The following CUL9 variants were observed in gnomAD, a reference collection of about 807,000 sequenced individuals.
The protein encoded by CUL9 is cullin-9.
Under a neutral mutation model 272.6 loss-of-function variants are expected in CUL9, and 79 were observed. That is an observed-to-expected ratio of 0.29 (90% CI 0.24 to 0.35). The LOEUF is 0.35. Among genes scored for constraint, CUL9 ranks in the 10% least tolerant of loss-of-function variants. CUL9 has a pLI of 1.00. For synonymous variants in CUL9, 1,186 were observed against 1,286.5 expected (o/e 0.92, Z 1.67); for missense variants, 2,532 against 3,255.6 (o/e 0.78, Z 5.41).
Position 43,220,320 on chromosome 6 carries a change from C to A in CUL9, c.6283-139C>A. ...GAGAGAGGAGTCAGCATTGGTTGAT[C>A]TAGAGGCAGGCTTGTTTCTGGCCTT... On this transcript the variant is annotated intron_variant, in intron 31 of 40. Transcript: ENST00000252050. The surrounding 1 kb of genome is among the most constrained non-coding windows in gnomAD (Gnocchi z 4.9). 2.1e-6 allele frequency: 2 copies of A among 968,616 alleles called. No homozygotes were observed. Among genetic ancestry groups the A allele is most frequent in the Non-Finnish European group, 3.1e-6 (2 of 638,790 alleles). The allele number at this position is 968,616 out of a possible 1,614,324, so 60.0% of individuals were successfully genotyped here.
intron 9 of CUL9, among the ~76,000 whole-genome samples, chr6:43,194,960 C>T (rs1436920596): frequency 1.3e-5 from 2 of 152,040 alleles, no homozygotes; most frequent in Non-Finnish European, 2.9e-5. Flanking sequence ...GAGGCTGAGG[C>T]GGGAGAATCG....
At position 43,206,561 on chromosome 6, in the gene CUL9, C is replaced by T; in HGVS notation, c.5212+51C>T. 6.4e-7 allele frequency: 1 copy of T among 1,568,246 alleles called. No homozygotes were observed. Among genetic ancestry groups the T allele is most frequent in the Non-Finnish European group, 8.8e-7 (1 of 1,139,342 alleles). ...GAGATCGGGGTGAGATTCGGGGTGG[C>T]AAGAGAGGAAGAGGAGAGGACCTTT... On this transcript the variant is annotated intron_variant, in intron 26 of 40. Coordinates refer to ENST00000252050, the MANE Select transcript of CUL9 (RefSeq NM_015089.4). The surrounding 1 kb of genome is among the most constrained non-coding windows in gnomAD (Gnocchi z 4.8).
At chr6:43,185,324 TA>T in intron 2 of CUL9, 131 bp from the exon 3 acceptor site, 1 of 874,812 alleles carries the variant, frequency 1.1e-6, no homozygotes, top group Non-Finnish European at 1.7e-6. Context: ...GGTTACCATG[TA>T]AAATGTATTT....
chr6:43,207,476 T>C (rs1214016485), intron 26 of CUL9, among the ~76,000 whole-genome samples: 1 of 152,230 alleles, frequency 6.6e-6, no homozygotes, highest in Non-Finnish European at 1.5e-5. Context: ...AGTTTATTCA[T>C]TTATTTTGCT....
At chr6:43,204,253 C>T in intron 20 of CUL9, 107 bp from the exon 21 acceptor site, 1 of 1,380,718 alleles carries the variant, frequency 7.2e-7, no homozygotes, top group Admixed American at 1.9e-5. Context: ...TAGGGCCCCA[C>T]TACCCCTCAA....
rs1774798748 is a variant in CUL9 at position 43,203,521 on chromosome 6, C to T, written c.3954C>T (p.Tyr1318=). The change falls in exon 19 of 41, where the codon TAC becomes TAT. Residue 1318 remains tyrosine, a synonymous_variant. Transcript: ENST00000252050. This position sits in a 1 kb window ranked among gnomAD's most constrained non-coding sequence, Gnocchi z 5.0. ...TGTGTCGCCGAACATGTCTCTTCTA[C>T]ACAATTCGGGCACAAGCCTGGAGCC... The part of the protein sequence containing the change: ...EQLCRRTCLF[Y]TIRAQAWSRD... The T allele has an allele frequency of 6.2e-7, 1 of 1,614,030 alleles. No homozygotes were observed. Among genetic ancestry groups the T allele is most frequent in the Admixed American group, 1.7e-5 (1 of 60,002 alleles).
At position 43,215,602 on chromosome 6, in the gene CUL9, A is replaced by G. The variant is rs559591420; in HGVS notation, c.5936+276A>G. On this transcript the variant is annotated intron_variant, in intron 30 of 40. Transcript: ENST00000252050. ...AGTTTGTTCTACAGAGGAATTTGCC[A>G]TAGGATTTCTCTAATCAACCAGCAC... Among the ~76,000 whole-genome samples the G allele has an allele frequency of 5.9e-5, 9 of 152,360 alleles. No individual in the cohort carries two copies. In the South Asian group the frequency reaches 1.2e-3, roughly 21 times the overall value.
chr6:43,196,843 G>A lies in CUL9; in HGVS notation c.2784G>A (p.Pro928=), dbSNP rs149725435. 5.5e-4 allele frequency: 894 copies of A among 1,614,014 alleles called. 4 individuals carry two copies. The highest frequency in any genetic ancestry group is 2.1e-3 in the South Asian group (193 of 91,060). The change falls in exon 11 of 41, where the codon CCG becomes CCA. Residue 928 remains proline (P), a synonymous_variant. Coordinates refer to ENST00000252050, the MANE Select transcript of CUL9 (RefSeq NM_015089.4). Reference sequence around the variant, plus strand: ...TTCTCAATCGCTACTCAGAGCCGCCGGGCAGCCCTGAGCGTGCAGGTACCA... The same window carrying A: ...TTCTCAATCGCTACTCAGAGCCGCCAGGCAGCCCTGAGCGTGCAGGTACCA... ...MMLLNRYSEP[P]GSPERAALET... is the part of the protein sequence containing the mutation.
At position 43,188,704 on chromosome 6, in the gene CUL9, C is replaced by T. The variant is rs1562016372; in HGVS notation, c.2169C>T (p.Asp723=). 1 of 1,610,018 alleles carries T rather than the reference C, an allele frequency of 6.2e-7. No homozygotes were observed. Among genetic ancestry groups the T allele is most frequent in the East Asian group, 2.2e-5 (1 of 44,830 alleles). Residue 723 remains aspartate, a synonymous_variant, in exon 8 of 41, where the codon GAC becomes GAT. Transcript: ENST00000252050. Reference sequence around the variant, plus strand: ...GGGACCACCCTCTGGTCCGTCCTGACAGATCGCTGAGGTTAGCATACTGGG... The same window carrying T: ...GGGACCACCCTCTGGTCCGTCCTGATAGATCGCTGAGGTTAGCATACTGGG... ...TERDHPLVRP[D]RSLREKLVKM...
In CUL9 at chr6:43,223,279, G is replaced by A. The variant is rs61743530; in HGVS notation, c.7166G>A (p.Arg2389Gln). The change falls in exon 39 of 41, where the codon CGG (arginine) becomes CAG (glutamine). Residue 2389 changes from arginine (R) to glutamine (Q), a missense_variant. Physicochemically the swap from Arg to Gln is conservative, Grantham distance 43. Coordinates refer to ENST00000252050, the MANE Select transcript of CUL9 (RefSeq NM_015089.4). The surrounding 1 kb of genome is among the most constrained non-coding windows in gnomAD (Gnocchi z 4.1). ...CCCTCTGCAGAGGAAACCCTGCTGC[G>A]GTGCAGAGACCTGGCCTCCTCCCTG... is the stretch of plus-strand genomic sequence containing the variant. ...LQILLEETLL[R>Q]CRDLASSLRL... 7,661 of 1,598,966 alleles carry A rather than the reference G, an allele frequency of 4.8e-3. 31 individuals are homozygous for A. Among genetic ancestry groups the A allele is most frequent in the Non-Finnish European group, 5.9e-3 (6,900 of 1,172,648 alleles).
rs533147216 is a variant in CUL9, at chr6:43,223,344, C to T, written c.7231C>T (p.Leu2411=). 39 of 1,601,904 alleles carry T rather than the reference C, an allele frequency of 2.4e-5. No individual in the cohort carries two copies. In the South Asian group the frequency reaches 3.0e-4, roughly 12 times the overall value. The part of the protein sequence containing the change: ...RADCLSTGME[L]LRRIQERLLA... ...CGACTGCCTCAGCACGGGCATGGAG[C>T]TGCTCCGGCGGATCCAGGAGAGGCT... is the stretch of plus-strand genomic sequence containing the variant. The change falls in exon 39 of 41, where the codon CTG becomes TTG. Residue 2411 remains leucine, a synonymous_variant. Transcript: ENST00000252050. The surrounding 1 kb of genome is among the most constrained non-coding windows in gnomAD (Gnocchi z 4.1).
Position 43,193,077 on chromosome 6 carries a change from C to T in CUL9, c.2257C>T (p.Arg753Cys), listed in dbSNP as rs1363438256. 5 of 1,614,216 alleles carry T rather than the reference C, an allele frequency of 3.1e-6. No homozygotes were observed. Among genetic ancestry groups the T allele is most frequent in the South Asian group, 2.2e-5 (2 of 91,080 alleles). ...GAAGATGGTGGTCGTGCAGGCCCTGCGCCTCCTTTACCTGCTCATGACCAA... is the reference window on the plus strand; with the variant it reads ...GAAGATGGTGGTCGTGCAGGCCCTGTGCCTCCTTTACCTGCTCATGACCAA... ...GEKMVVVQAL[R>C]LLYLLMTKHE... The change falls in exon 9 of 41, where the codon CGC becomes TGC. Residue 753 changes from arginine to cysteine, a missense_variant. This residue lies in a region of CUL9 where 2,218 missense variants were observed against 2,788.6 expected (regional missense o/e 0.80). Transcript: ENST00000252050.
chr6:43,204,440 C>CG lies in CUL9; in HGVS notation c.4241dup (p.Ala1415SerfsTer27), dbSNP rs771187455. On this transcript the variant is annotated frameshift_variant, in exon 21 of 41. Transcript: ENST00000252050. LOFTEE classifies it high-confidence loss of function. ...AGAGACCTCTCGGAACCCCTTGAGT[C>CG]GAGCAGCGTCCTTTGCTTCTCGAGT... 58 of 1,614,052 alleles carry CG rather than the reference C, an allele frequency of 3.6e-5. No homozygotes were observed. Among genetic ancestry groups the CG allele is most frequent in the Non-Finnish European group, 5.9e-6 (7 of 1,180,032 alleles).
In CUL9 at chr6:43,185,531, A is replaced by G. The variant is rs369512270; in HGVS notation, c.671A>G (p.Tyr224Cys). Residue 224 changes from tyrosine to cysteine, a missense_variant, in exon 3 of 41, where the codon TAT (tyrosine) becomes TGT (cysteine). By Grantham distance (194) the Tyr-to-Cys change is radical. Coordinates refer to ENST00000252050, the MANE Select transcript of CUL9 (RefSeq NM_015089.4). Reference sequence around the variant, plus strand: ...CAGCACATGGATTTTGACAGTCGCTATACATTGCTGGAGCTGTTTGCAGAA... The same window carrying G: ...CAGCACATGGATTTTGACAGTCGCTGTACATTGCTGGAGCTGTTTGCAGAA... ...IEQHMDFDSR[Y>C]TLLELFAETT... The G allele has an allele frequency of 9.9e-6, 16 of 1,613,918 alleles. No homozygotes were observed. The highest frequency in any genetic ancestry group is 5.3e-5 in the African/African-American group (4 of 74,912).
Position 43,203,795 on chromosome 6 carries a change from A to G in CUL9, c.4026-59A>G, listed in dbSNP as rs1435799734. On this transcript the variant is annotated intron_variant, in intron 19 of 40. Transcript: ENST00000252050. The surrounding 1 kb of genome is among the most constrained non-coding windows in gnomAD (Gnocchi z 5.0). ...TGATTGGGAGCTGATCTGCACTTGA[A>G]TGGAGGCCTCTGGGAAATCGGTGCC... is the stretch of plus-strand genomic sequence containing the variant. The G allele has an allele frequency of 6.4e-7, 1 of 1,554,422 alleles. No individual in the cohort carries two copies. The highest frequency in any genetic ancestry group is 8.7e-7 in the Non-Finnish European group (1 of 1,146,712).
chr6:43,216,198 G>A lies in CUL9; in HGVS notation c.5977G>A (p.Ala1993Thr), dbSNP rs1307222442. The change falls in exon 31 of 41, where the codon GCA (alanine) becomes ACA (threonine). Residue 1993 changes from alanine to threonine, a missense_variant. Ala to Thr is a moderately conservative substitution (Grantham distance 58). Around this residue, in one of 3 missense-constraint regions of CUL9, gnomAD observed 2,218 missense variants for 2,788.6 expected, o/e 0.80. Coordinates refer to ENST00000252050, the MANE Select transcript of CUL9 (RefSeq NM_015089.4). ...VATLASLQLP[A>T]GRTMSPQEVE... Reference sequence around the variant, plus strand: ...TACCCTGGCATCTCTACAGCTGCCTGCAGGCCGCACCATGAGCCCCCAGGA... The same window carrying A: ...TACCCTGGCATCTCTACAGCTGCCTACAGGCCGCACCATGAGCCCCCAGGA... 2 of 1,612,870 alleles carry A rather than the reference G, an allele frequency of 1.2e-6. No individual in the cohort carries two copies. The highest frequency in any genetic ancestry group is 1.7e-5 in the Admixed American group (1 of 59,990).
rs760758978 is a variant in CUL9 at position 43,221,331 on chromosome 6, G to T, written c.6752+10G>T. On this transcript the variant is annotated intron_variant, in intron 34 of 40. Coordinates refer to ENST00000252050, the MANE Select transcript of CUL9 (RefSeq NM_015089.4). This position sits in a 1 kb window ranked among gnomAD's most constrained non-coding sequence, Gnocchi z 4.2. ...ACGAGGGGTGCCTGCAGTAAGAAGG[G>T]GGGTACTGTGGGGAGCCAGAGGGCA... The T allele has an allele frequency of 1.3e-6, 2 of 1,596,314 alleles. No homozygotes were observed. Among genetic ancestry groups the T allele is most frequent in the Non-Finnish European group, 8.5e-7 (1 of 1,176,450 alleles).
In CUL9 at chr6:43,224,487, C is replaced by T. The variant is rs369061924; in HGVS notation, c.*42C>T. ...AACACCTAGAGCAGCCCCAGAGTCA[C>T]GGGGCTGAGGGGGCGGGAGCTGCCC... On this transcript the variant is annotated 3_prime_UTR_variant, in exon 41 of 41. Transcript: ENST00000252050. This position sits in a 1 kb window ranked among gnomAD's most constrained non-coding sequence, Gnocchi z 4.2. The T allele has an allele frequency of 7.6e-5, 119 of 1,575,452 alleles. No homozygotes were observed. Among genetic ancestry groups the T allele is most frequent in the East Asian group, 3.1e-4 (14 of 44,446 alleles).
chr6:43,203,802 C>T lies in CUL9; in HGVS notation c.4026-52C>T. On this transcript the variant is annotated intron_variant, in intron 19 of 40. Coordinates refer to ENST00000252050, the MANE Select transcript of CUL9 (RefSeq NM_015089.4). This position sits in a 1 kb window ranked among gnomAD's most constrained non-coding sequence, Gnocchi z 5.0. ...GAGCTGATCTGCACTTGAATGGAGG[C>T]CTCTGGGAAATCGGTGCCATTAATC... 6.4e-7 allele frequency: 1 copy of T among 1,557,640 alleles called. No individual in the cohort carries two copies. The highest frequency in any genetic ancestry group is 8.7e-7 in the Non-Finnish European group (1 of 1,147,682).
Sources: gnomAD v4.1 joint callset for allele counts (sites outside exome capture counted in the v4.1 genomes callset) on GRCh38, gnomAD v4.1.1 for gene constraint, gnomAD v4.1.1 regional missense constraint, Gnocchi (gnomAD v3.1) non-coding constraint, MANE v1.5 for transcripts, NCBI Gene and HGNC (gene_info 2026-07-23, HGNC 2026-07-21) for gene names.